The following ARFGAP1 variants were observed in gnomAD, a reference collection of about 807,000 sequenced individuals.
ARFGAP1 encodes the protein ADP-ribosylation factor GTPase-activating protein 1.
ARFGAP1 carries 26 observed loss-of-function variants against 54.0 expected under a neutral mutation model. The observed-to-expected ratio is 0.48, with a 90% CI of 0.35 to 0.67. The LOEUF (loss-of-function observed/expected upper bound fraction) is 0.67. Ranked by LOEUF, ARFGAP1 falls within the 30% of genes least tolerant of loss-of-function variation. ARFGAP1 has a pLI of 0.00. For synonymous variants in ARFGAP1, 248 were observed against 211.9 expected, an observed-to-expected ratio of 1.17 and a Z score of -1.48; for missense variants, 525 against 535.8, an observed-to-expected ratio of 0.98 and a Z score of 0.20.
Position 63,278,891 on chromosome 20 carries a change from G to T in ARFGAP1, c.531-8G>T, listed in dbSNP as rs192875427. Reference sequence around the variant, plus strand: ...GCATCTTCGGCCTCTTGTCCGCTTTGTTTTCAGGGCCCAGGGGAATCGCTA... The same window carrying T: ...GCATCTTCGGCCTCTTGTCCGCTTTTTTTTCAGGGCCCAGGGGAATCGCTA... On this transcript the variant is annotated splice_polypyrimidine_tract_variant and splice_region_variant and intron_variant, in intron 6 of 12. Coordinates refer to ENST00000370283, the MANE Select transcript of ARFGAP1 (RefSeq NM_018209.4). 1.2e-6 allele frequency: 2 copies of T among 1,614,102 alleles called. No individual in the cohort carries two copies. Among genetic ancestry groups the T allele is most frequent in the South Asian group, 2.2e-5 (2 of 91,088 alleles).
At chr20:63,284,167 C>G in intron 9 of ARFGAP1, 1 of 1,305,380 alleles carries the variant, frequency 7.7e-7, no homozygotes, top group Non-Finnish European at 9.7e-7. Context: ...AGGCCTGCTG[C>G]CGGGGAGGTG....
intron 11 of ARFGAP1, 84 bp from the exon 12 acceptor site, chr20:63,286,282 C>T (rs1436929059): frequency 1.8e-5 from 28 of 1,592,370 alleles, no homozygotes; most frequent in African/African-American, 9.4e-5. Flanking sequence ...CGGGACGGCG[C>T]GTGCCGGCTT....
rs1431760070 is a variant in ARFGAP1 at position 63,282,892 on chromosome 20, CTA to C, written c.717+43_717+44del. ...CTTCTGCACCCTGGTGCATCTGAAA[CTA>C]TCCTGAGTCTGACGTCACGTGCAGC... On this transcript the variant is annotated intron_variant, in intron 9 of 12. Transcript: ENST00000370283. 1.9e-6 allele frequency: 3 copies of C among 1,611,762 alleles called. No individual in the cohort carries two copies. In the Admixed American group the frequency reaches 5.0e-5, roughly 27 times the overall value.
chr20:63,283,074 C>T lies in ARFGAP1; in HGVS notation c.717+223C>T, dbSNP rs1321830658. On this transcript the variant is annotated intron_variant, in intron 9 of 12. Transcript: ENST00000370283. ...AGGGCCTGCAGGGCCAAACTCGTTT[C>T]CTGTTCACTGGTAGCTGGTACCGGT... 8 of 583,688 alleles carry T rather than the reference C, an allele frequency of 1.4e-5. No individual in the cohort carries two copies. In the Admixed American group the frequency reaches 1.8e-4, roughly 13 times the overall value. 36.2% of individuals were successfully genotyped at this position (583,688 alleles called of 1,614,324 possible).
intron 9 of ARFGAP1, chr20:63,284,659 C>T (rs1030121967): frequency 7.8e-6 from 11 of 1,412,542 alleles, no homozygotes; most frequent in African/African-American, 5.8e-5. Context: ...TGGTGGGGGC[C>T]GCGGTCTCCG....
At chr20:63,286,522 C>T (rs1349203638) in intron 12 of ARFGAP1, 80 bp downstream of exon 12, 1 of 1,404,734 alleles carries the variant, frequency 7.1e-7, no homozygotes, top group African/African-American at 1.4e-5. Flanking sequence ...CAGGAGGTGG[C>T]TGGCATCCTT....
At chr20:63,274,310 G>GGCCCCCCC (rs1568728097) in intron 1 of ARFGAP1, 1 of 4,122 alleles carries the variant, frequency 2.4e-4, no homozygotes, top group African/African-American at 3.3e-4. Context: ...GTGGAGTTGG[G>GGCCCCCCC]ACCCCCCCCC....
chr20:63,284,957 C>T (rs375396089), intron 10 of ARFGAP1, 35 bp downstream of exon 10: 6 of 1,608,184 alleles, frequency 3.7e-6, no homozygotes, highest in Admixed American at 1.7e-5. Context: ...TGCCTGGAGC[C>T]CTTCACTCCA....
chr20:63,276,255 G>A lies in ARFGAP1; in HGVS notation c.170+55G>A, dbSNP rs2067235603. ...AGAGCCTGCGGCCACCCCAGCATCT[G>A]TTCCTGACACCAGAGGTGCTGACGC... On this transcript the variant is annotated intron_variant, in intron 3 of 12. Coordinates refer to ENST00000370283, the MANE Select transcript of ARFGAP1 (RefSeq NM_018209.4). This position sits in a 1 kb window ranked among gnomAD's most constrained non-coding sequence, Gnocchi z 5.2. 8 of 1,586,816 alleles carry A rather than the reference G, an allele frequency of 5.0e-6. No homozygotes were observed. The African/African-American group carries it at 5.4e-5, about 11-fold the overall frequency.
At chr20:63,282,037 C>T (rs550656991) in intron 8 of ARFGAP1, among the ~76,000 whole-genome samples, 1 of 152,076 alleles carries the variant, frequency 6.6e-6, no homozygotes, top group African/African-American at 2.4e-5. Flanking sequence ...CGTGTCTTCC[C>T]CCGTCACAGC....
At position 63,288,087 on chromosome 20, in the gene ARFGAP1, G is replaced by A. The variant is rs778459727; in HGVS notation, c.*214G>A. On this transcript the variant is annotated 3_prime_UTR_variant, in exon 13 of 13. Transcript: ENST00000370283. ...GGGCGGCTTGCTGTCCAGCCTGTGT[G>A]GGGGCCGTCCCGTCCCACACTCCCC... The A allele has an allele frequency of 1.6e-6, 1 of 629,838 alleles. No individual in the cohort carries two copies. Among genetic ancestry groups the A allele is most frequent in the Non-Finnish European group, 2.8e-6 (1 of 363,374 alleles). 39.0% of individuals were successfully genotyped at this position (629,838 alleles called of 1,614,324 possible).
rs767908672 is a variant in ARFGAP1, at chr20:63,287,774, G to GAACAGC, written c.1129_1134dup (p.Asn377_Ser378dup). The GAACAGC allele has an allele frequency of 3.2e-6, 5 of 1,568,804 alleles. No individual in the cohort carries two copies. The highest frequency in any genetic ancestry group is 4.3e-6 in the Non-Finnish European group (5 of 1,153,538). ...TGTGGGGCTCGGCCTCCACCAACAG[G>GAACAGC]AACAGCAACAGCGACGGCGGGGAGG... On this transcript the variant is annotated inframe_insertion, in exon 13 of 13. Coordinates refer to ENST00000370283, the MANE Select transcript of ARFGAP1 (RefSeq NM_018209.4).
At chr20:63,281,971 T>A (rs983154668) in intron 8 of ARFGAP1, among the ~76,000 whole-genome samples, 1 of 152,104 alleles carries the variant, frequency 6.6e-6, no homozygotes, top group Non-Finnish European at 1.5e-5. Context: ...GTGGGGCTCT[T>A]GTGAGTGGAA....
chr20:63,278,286 G>T (rs943223027), intron 6 of ARFGAP1, 83 bp downstream of exon 6: 8 of 1,437,110 alleles, frequency 5.6e-6, no homozygotes, highest in Middle Eastern at 1.7e-4. Context: ...TTCCCTTGGG[G>T]CCTCCCATGT....
At chr20:63,279,908 G>A (rs1029949736) in intron 7 of ARFGAP1, among the ~76,000 whole-genome samples, 1 of 152,218 alleles carries the variant, frequency 6.6e-6, no homozygotes, top group Non-Finnish European at 1.5e-5. Context: ...GGAGGCCAAG[G>A]CGGGCGGATC....
At chr20:63,286,015 C>A (rs1568743856) in intron 11 of ARFGAP1, 4 of 1,543,886 alleles carry the variant, frequency 2.6e-6, no homozygotes, top group Non-Finnish European at 3.5e-6. Context: ...AGTCCCACTG[C>A]TCTGCGGGCC....
Position 63,281,181 on chromosome 20 carries a change from G to C in ARFGAP1, c.628-110G>C, listed in dbSNP as rs1454899981. The C allele has an allele frequency of 4.2e-6, 5 of 1,203,450 alleles. No homozygotes were observed. In the Admixed American group the frequency reaches 1.0e-4, roughly 25 times the overall value. 74.5% of individuals were successfully genotyped at this position (1,203,450 alleles called of 1,614,324 possible). ...GCGCGGTGGGGTCAGGATGGGACGG[G>C]GGCCTGGGGCAGCCTCTGCCTTGGT... is the stretch of plus-strand genomic sequence containing the variant. On this transcript the variant is annotated intron_variant, in intron 7 of 12. Coordinates refer to ENST00000370283, the MANE Select transcript of ARFGAP1 (RefSeq NM_018209.4).
At chr20:63,284,785 T>G in intron 9 of ARFGAP1, 81 bp from the exon 10 acceptor site, 6 of 1,582,048 alleles carry the variant, frequency 3.8e-6, no homozygotes, top group Non-Finnish European at 5.1e-6. Flanking sequence ...CGTGCTGCCC[T>G]TTGCTGGCCT....
intron 7 of ARFGAP1, chr20:63,279,219 G>A (rs1356751361): frequency 1.8e-5 from 11 of 595,488 alleles, no homozygotes; most frequent in Non-Finnish European, 3.0e-5. Context: ...TTTTTTTTAA[G>A]ACGGAGTCTT....
Sources: gnomAD v4.1 joint callset for allele counts (sites outside exome capture counted in the v4.1 genomes callset) on GRCh38, gnomAD v4.1.1 for gene constraint, Gnocchi (gnomAD v3.1) non-coding constraint, MANE v1.5 for transcripts, NCBI Gene and HGNC (gene_info 2026-07-23, HGNC 2026-07-21) for gene names.